Variants in MYCBP2 observed in about 807,000 individuals in gnomAD.
MYCBP2 encodes E3 ubiquitin-protein ligase MYCBP2.
A neutral mutation model predicts 525.3 loss-of-function variants in MYCBP2; 120 were observed. That is an observed-to-expected ratio of 0.23 (90% CI 0.20 to 0.27). MYCBP2 has a LOEUF of 0.27. Ranked by LOEUF, MYCBP2 falls within the 10% of genes least tolerant of loss-of-function variation. The pLI, the probability that MYCBP2 is intolerant of heterozygous loss-of-function variation, is 1.00. For synonymous variants in MYCBP2, 1,894 were observed against 1,955.8 expected (o/e 0.97, Z 0.83); for missense variants, 4,149 against 5,657.1 (o/e 0.73, Z 8.55).
In MYCBP2 at chr13:77,185,937, G is replaced by A. The variant is rs151069766; in HGVS notation, c.4378C>T (p.Arg1460Cys). Residue 1460 changes from arginine to cysteine, a missense_variant, in exon 31 of 83, where the codon CGC becomes TGC. This residue lies in a region of MYCBP2 where 292 missense variants were observed against 330.5 expected (regional missense o/e 0.88). Transcript: ENST00000544440. The stretch of plus-strand genomic sequence containing the variant: ...CTCAGACAACAGGTACCCACAAAGC[G>A]CAGTCTCTCTAAATCTAGGAGTGTA... The part of the protein sequence containing the change: ...TATLLDLERL[R>C]FVGTCCLRLL... The A allele has an allele frequency of 2.0e-5, 32 of 1,613,316 alleles. No individual in the cohort carries two copies. The highest frequency in any genetic ancestry group is 1.2e-4 in the African/African-American group (9 of 74,864).
intron 52 of MYCBP2, among the ~76,000 whole-genome samples, chr13:77,134,448 C>T (rs1379202011): frequency 2.0e-5 from 3 of 151,966 alleles, no homozygotes; most frequent in African/African-American, 7.3e-5. Flanking sequence ...ACATAAGAAT[C>T]GCTTGAACCT....
At chr13:77,137,903 C>T (rs954767306) in intron 52 of MYCBP2, among the ~76,000 whole-genome samples, 1 of 151,720 alleles carries the variant, frequency 6.6e-6, no homozygotes, top group Non-Finnish European at 1.5e-5. Flanking sequence ...GTATAAAAAA[C>T]AAAAACCAAC....
intron 80 of MYCBP2, among the ~76,000 whole-genome samples, chr13:77,053,374 G>A (rs1040370753): frequency 1.3e-5 from 2 of 152,188 alleles, no homozygotes; most frequent in East Asian, 3.8e-4. Context: ...TGCACTGATT[G>A]TCTCATAGTC....
At chr13:77,071,252 C>CATTT (rs2041184064) in intron 68 of MYCBP2, among the ~76,000 whole-genome samples, 1 of 115,938 alleles carries the variant, frequency 8.6e-6, no homozygotes, top group African/African-American at 3.5e-5. Flanking sequence ...TATATATATG[C>CATTT]ATGCACGTGT....
At chr13:77,207,915 G>A (rs1172931454) in intron 23 of MYCBP2, among the ~76,000 whole-genome samples, 1 of 152,094 alleles carries the variant, frequency 6.6e-6, no homozygotes, top group Non-Finnish European at 1.5e-5. Flanking sequence ...CATGGTAAGA[G>A]ACAAGAAGAT....
intron 80 of MYCBP2, among the ~76,000 whole-genome samples, 194 bp downstream of exon 80, chr13:77,055,364 G>A (rs56237958): frequency 6.6e-6 from 1 of 152,080 alleles, no homozygotes; most frequent in East Asian, 1.9e-4. Flanking sequence ...AGTTTGTTCA[G>A]GTTAAATAAA....
Position 77,260,446 on chromosome 13 carries a change from T to C in MYCBP2, c.1999A>G (p.Ile667Val), listed in dbSNP as rs775039493. Residue 667 changes from isoleucine (I) to valine (V), a missense_variant, in exon 13 of 83, where the codon ATT (isoleucine) becomes GTT (valine). By Grantham distance (29) the Ile-to-Val change is conservative (BLOSUM62 3). Around this residue, in one of 21 missense-constraint regions of MYCBP2, gnomAD observed 262 missense variants for 419.3 expected, o/e 0.62. Coordinates refer to ENST00000544440, the MANE Select transcript of MYCBP2 (RefSeq NM_015057.5). ...GELYMFGKDAIYSDSSSLVTD... is the reference protein window; with the variant it reads ...GELYMFGKDAVYSDSSSLVTD... ...AACTTACTTGAACTATCAGAGTAAA[T>C]GGCATCTTTTCCAAACATGTAGAGT... 1.3e-6 allele frequency: 2 copies of C among 1,593,734 alleles called. No homozygotes were observed. Among genetic ancestry groups the C allele is most frequent in the Admixed American group, 1.8e-5 (1 of 54,316 alleles).
At chr13:77,074,605 C>T (rs1202217869) in intron 68 of MYCBP2, among the ~76,000 whole-genome samples, 1 of 152,154 alleles carries the variant, frequency 6.6e-6, no homozygotes, top group Admixed American at 6.5e-5. Flanking sequence ...AGAAACAACC[C>T]AAATATCCAT....
intron 2 of MYCBP2, among the ~76,000 whole-genome samples, chr13:77,290,215 A>G (rs2077327066): frequency 6.6e-6 from 1 of 152,206 alleles, no homozygotes; most frequent in Non-Finnish European, 1.5e-5. Flanking sequence ...AAATAGTGAC[A>G]ACACCAAATG....
chr13:77,217,986 ATTTCTTAC>A, intron 20 of MYCBP2, 29 bp from the exon 21 acceptor site: 1 of 1,442,274 alleles, frequency 6.9e-7, no homozygotes, highest in Non-Finnish European at 9.5e-7. Context: ...AAGTAAGTCA[ATTTCTTAC>A]AAAACTCAAC....
chr13:77,054,824 C>A (rs1272174435), intron 80 of MYCBP2, among the ~76,000 whole-genome samples: 1 of 152,084 alleles, frequency 6.6e-6, no homozygotes, highest in African/African-American at 2.4e-5. Flanking sequence ...TGGTCTCAAA[C>A]TCCAGAGCTC....
chr13:77,260,587 T>C lies in MYCBP2; in HGVS notation c.1858A>G (p.Ser620Gly). 1 of 1,590,390 alleles carries C rather than the reference T, an allele frequency of 6.3e-7. No homozygotes were observed. Residue 620 changes from serine (S) to glycine (G), a missense_variant, in exon 13 of 83, where the codon AGC becomes GGC. This residue lies in a region of MYCBP2 where 262 missense variants were observed against 419.3 expected (regional missense o/e 0.62). Transcript: ENST00000544440. ...SKGEDGESTK[S>G]RRQSKPYKPK... ...TTATAAGGTTTGGATTGCCGTCTGC[T>C]CTTAGCTTTAAAAAAGAAATTAGAT...
chr13:77,070,381 T>C (rs1163871050), intron 69 of MYCBP2, among the ~76,000 whole-genome samples: 4 of 152,208 alleles, frequency 2.6e-5, no homozygotes, highest in Admixed American at 2.0e-4. Context: ...CACAAATTCA[T>C]AAACTTTCTT....
At chr13:77,093,488 T>C (rs1383621376) in intron 58 of MYCBP2, among the ~76,000 whole-genome samples, 156 bp from the exon 59 acceptor site, 3 of 152,168 alleles carry the variant, frequency 2.0e-5, no homozygotes, top group Non-Finnish European at 2.9e-5. Flanking sequence ...AAAATAAAAG[T>C]CTGATAATTT....
chr13:77,145,222 A>C (rs2055336047), intron 48 of MYCBP2, among the ~76,000 whole-genome samples: 2 of 152,106 alleles, frequency 1.3e-5, no homozygotes, highest in African/African-American at 2.4e-5. Flanking sequence ...AATGACCACC[A>C]CGTCCCCAAG....
At chr13:77,237,230 T>G (rs935479720) in intron 17 of MYCBP2, among the ~76,000 whole-genome samples, 2 of 152,180 alleles carry the variant, frequency 1.3e-5, no homozygotes, top group African/African-American at 2.4e-5. Context: ...ATGTGGTAGA[T>G]CCACATTTAC....
At chr13:77,210,039 T>C (rs893836863) in intron 23 of MYCBP2, among the ~76,000 whole-genome samples, 3 of 152,136 alleles carry the variant, frequency 2.0e-5, no homozygotes, top group African/African-American at 7.2e-5. Flanking sequence ...ACTGGAATCT[T>C]GCCTACTAAG....
At chr13:77,148,664 T>C (rs2056002674) in intron 47 of MYCBP2, among the ~76,000 whole-genome samples, 1 of 152,140 alleles carries the variant, frequency 6.6e-6, no homozygotes, top group African/African-American at 2.4e-5. Flanking sequence ...CATGCTCATA[T>C]GACTCACACT....
intron 82 of MYCBP2, among the ~76,000 whole-genome samples, chr13:77,046,181 A>C (rs886277925): frequency 5.9e-5 from 9 of 152,216 alleles, no homozygotes; most frequent in Non-Finnish European, 1.3e-4. Flanking sequence ...TTTAAAAAAG[A>C]AAATTATTAT....
Sources: gnomAD v4.1 joint callset for allele counts (sites outside exome capture counted in the v4.1 genomes callset) on GRCh38, gnomAD v4.1.1 for gene constraint, gnomAD v4.1.1 regional missense constraint, MANE v1.5 for transcripts, NCBI Gene and HGNC (gene_info 2026-07-23, HGNC 2026-07-21) for gene names.